Variants in FADS3 observed in about 807,000 individuals in gnomAD.
The protein encoded by FADS3 is cytochrome b5-related protein.
A neutral mutation model predicts 60.4 loss-of-function variants in FADS3; 30 were observed. That is an observed-to-expected ratio of 0.50 (90% CI 0.37 to 0.67). The LOEUF (loss-of-function observed/expected upper bound fraction) is 0.67, where lower values mean the gene tolerates loss of function less well. Ranked by LOEUF, FADS3 falls within the 30% of genes least tolerant of loss-of-function variation. The pLI, the probability that FADS3 is intolerant of heterozygous loss-of-function variation, is 0.00. For missense variants in FADS3, 432 were observed against 598.3 expected (o/e 0.72, Z 2.90); for synonymous variants, 234 against 249.3 (o/e 0.94, Z 0.58).
chr11:61,878,924 CA>C, intron 3 of FADS3, 77 bp from the exon 4 acceptor site: 1 of 1,210,612 alleles, frequency 8.3e-7, no homozygotes, highest in Non-Finnish European at 1.2e-6. Flanking sequence ...TGAATCCTTT[CA>C]GCTTGCAGGG....
chr11:61,880,840 C>G (rs905792818), intron 1 of FADS3: 3 of 152,136 alleles, frequency 2.0e-5, no homozygotes, highest in African/African-American at 7.2e-5. Context: ...ACCTCTACCT[C>G]CTGGGTTCAA....
intron 1 of FADS3, among the ~76,000 whole-genome samples, chr11:61,888,536 G>C (rs1329929831): frequency 6.6e-6 from 1 of 152,262 alleles, no homozygotes; most frequent in Non-Finnish European, 1.5e-5. Flanking sequence ...GTGGGGCCTT[G>C]AGGGAGCTAA....
chr11:61,890,345 G>C (rs1415654557), intron 1 of FADS3: 1 of 152,264 alleles, frequency 6.6e-6, no homozygotes, highest in Non-Finnish European at 1.5e-5. Flanking sequence ...CAAAAAGCCA[G>C]CATTCAGGAT....
At position 61,873,623 on chromosome 11, in the gene FADS3, T is replaced by C. The variant is rs1048733530; in HGVS notation, c.*191A>G. On this transcript the variant is annotated 3_prime_UTR_variant, in exon 12 of 12. Transcript: ENST00000278829. ...TCACCTTCCCTCTACCCCTGTCCCA[T>C]CAGGCCCAGAGCCAAGGCCATAGGG... 3.3e-6 allele frequency: 2 copies of C among 608,002 alleles called. No homozygotes were observed. The highest frequency in any genetic ancestry group is 3.0e-6 in the Non-Finnish European group (1 of 338,198). 37.7% of individuals were successfully genotyped at this position (608,002 alleles called of 1,614,324 possible).
At chr11:61,883,174 A>G (rs1938195303) in intron 1 of FADS3, among the ~76,000 whole-genome samples, 1 of 152,014 alleles carries the variant, frequency 6.6e-6, no homozygotes. Flanking sequence ...ACCTTCCCCA[A>G]CTGAAACTCT....
intron 11 of FADS3, 26 bp from the exon 12 acceptor site, chr11:61,873,891 G>C: frequency 6.6e-7 from 1 of 1,525,920 alleles, no homozygotes; most frequent in Non-Finnish European, 9.0e-7. Context: ...GGCAGTGGGG[G>C]TGGGTGTTAG....
At position 61,873,674 on chromosome 11, in the gene FADS3, C is replaced by T. The variant is rs1288870228; in HGVS notation, c.*140G>A. 7 of 699,022 alleles carry T rather than the reference C, an allele frequency of 1.0e-5. No homozygotes were observed. The highest frequency in any genetic ancestry group is 5.3e-5 in the African/African-American group (3 of 56,982). 43.3% of individuals were successfully genotyped at this position (699,022 alleles called of 1,614,324 possible). A position where few individuals can be genotyped will look rare whatever the true frequency, so the allele number is the denominator to read the frequency against. On this transcript the variant is annotated 3_prime_UTR_variant, in exon 12 of 12. Transcript: ENST00000278829. ...CTGCTGAATACACATGTGAGGGGGC[C>T]GAGGGGAAGACAACAGTACCAGGAG...
chr11:61,875,104 T>C (rs1478940523), intron 11 of FADS3, among the ~76,000 whole-genome samples: 1 of 152,222 alleles, frequency 6.6e-6, no homozygotes, highest in Non-Finnish European at 1.5e-5. Context: ...ACCAGGTTCA[T>C]AAGAACCACC....
chr11:61,890,121 CTTTTTT>C (rs72085438), intron 1 of FADS3: 1 of 31,654 alleles, frequency 3.2e-5, no homozygotes, highest in Non-Finnish European at 2.0e-4. Flanking sequence ...AAGGCGTTCT[CTTTTTT>C]TTTTTTTTCT....
At position 61,878,221 on chromosome 11, in the gene FADS3, G is replaced by A; in HGVS notation, c.748-6C>T. On this transcript the variant is annotated splice_region_variant and splice_polypyrimidine_tract_variant and intron_variant, in intron 5 of 11. Transcript: ENST00000278829. ...CTGCGTTTCTTCTTGCCATACTGTG[G>A]AGACAGGCGGCGGCTGGAGACAGCA... 6.2e-7 allele frequency: 1 copy of A among 1,614,058 alleles called. No individual in the cohort carries two copies. Among genetic ancestry groups the A allele is most frequent in the South Asian group, 1.1e-5 (1 of 91,086 alleles).
intron 1 of FADS3, among the ~76,000 whole-genome samples, chr11:61,888,591 A>G (rs1938390334): frequency 6.6e-6 from 1 of 152,212 alleles, no homozygotes; most frequent in African/African-American, 2.4e-5. Context: ...TAGGACCGTA[A>G]CCAAATAAGG....
chr11:61,873,973 T>C, intron 11 of FADS3, 108 bp from the exon 12 acceptor site: 1 of 695,986 alleles, frequency 1.4e-6, no homozygotes, highest in Non-Finnish European at 2.5e-6. Context: ...CCATTCCCTG[T>C]GGGTTCCCTT....
At chr11:61,887,215 G>A (rs983338218) in intron 1 of FADS3, among the ~76,000 whole-genome samples, 2 of 152,232 alleles carry the variant, frequency 1.3e-5, no homozygotes, top group African/African-American at 4.8e-5. Flanking sequence ...GGCCAGGCTG[G>A]CTCCCTCTCT....
chr11:61,874,208 G>A (rs954300878), intron 11 of FADS3, among the ~76,000 whole-genome samples: 2 of 152,344 alleles, frequency 1.3e-5, no homozygotes, highest in African/African-American at 2.4e-5. Context: ...CAGAGAGGAC[G>A]TGGAACCTGC....
At chr11:61,891,552 C>T, upstream of FADS3, 1 of 323,760 alleles carries the variant, frequency 3.1e-6, no homozygotes, top group Non-Finnish European at 5.2e-6. Flanking sequence ...GCTCGCGGCG[C>T]AGGGAACTCC....
rs1938508136 is a variant in FADS3, at chr11:61,891,358, T to C, written c.24A>G (p.Gly8=). Residue 8 remains glycine (G), a synonymous_variant, in exon 1 of 12, where the codon GGA becomes GGG. Transcript: ENST00000278829. ...CCGGCTGCGCGGGTCCCTCCCGCGG[T>C]CCCGGCTCCCCGACGCCGCCCATGC... The part of the protein sequence containing the change: MGGVGEP[G]PREGPAQPGA... 3 of 1,488,114 alleles carry C rather than the reference T, an allele frequency of 2.0e-6. No homozygotes were observed. Among genetic ancestry groups the C allele is most frequent in the South Asian group, 1.3e-5 (1 of 79,020 alleles). The allele number at this position is 1,488,114 out of a possible 1,614,324, so 92.2% of individuals were successfully genotyped here.
chr11:61,879,249 A>G (rs1265973846), intron 3 of FADS3, 63 bp downstream of exon 3: 1 of 1,403,308 alleles, frequency 7.1e-7, no homozygotes, highest in Non-Finnish European at 9.8e-7. Flanking sequence ...CACAATGCCC[A>G]GATGCATGGG....
At chr11:61,881,534 T>G (rs529117435) in intron 1 of FADS3, 13 of 152,332 alleles carry the variant, frequency 8.5e-5, no homozygotes, top group Middle Eastern at 3.4e-3. Flanking sequence ...CTGGGTGGTG[T>G]TGTCCCCATG....
At chr11:61,878,264 C>T in intron 5 of FADS3, 49 bp from the exon 6 acceptor site, 3 of 1,592,490 alleles carry the variant, frequency 1.9e-6, no homozygotes, top group Non-Finnish European at 2.6e-6. Flanking sequence ...AGGCCACCTC[C>T]TTCTCCCGGG....
Sources: gnomAD v4.1 joint callset for allele counts (sites outside exome capture counted in the v4.1 genomes callset) on GRCh38, gnomAD v4.1.1 for gene constraint, MANE v1.5 for transcripts, NCBI Gene and HGNC (gene_info 2026-07-23, HGNC 2026-07-21) for gene names.